MAPK10: variants seen among roughly 807,000 people sequenced by gnomAD.
MAPK10 encodes the protein mitogen-activated protein kinase 10.
A neutral mutation model predicts 59.3 loss-of-function variants in MAPK10; 25 were observed. The ratio of observed to expected loss-of-function variants is 0.42; its 90% CI spans 0.31 to 0.59. MAPK10 has a LOEUF of 0.59. Ranked by LOEUF, MAPK10 falls within the 20% of genes least tolerant of loss-of-function variation. The pLI, the probability that MAPK10 is intolerant of heterozygous loss-of-function variation, is 0.15. For synonymous variants in MAPK10, 190 were observed against 200.5 expected, an observed-to-expected ratio of 0.95 and a Z score of 0.44; for missense variants, 351 against 568.9, an observed-to-expected ratio of 0.62 and a Z score of 3.90.
At chr4:86,170,132 C>T (rs1311955157) in intron 3 of MAPK10, among the ~76,000 whole-genome samples, 1 of 151,936 alleles carries the variant, frequency 6.6e-6, no homozygotes, top group Non-Finnish European at 1.5e-5. Flanking sequence ...ACCATCGAGA[C>T]TAGGAAGAAA....
At chr4:86,486,025 T>G (rs1753963493) in intron 1 of MAPK10, among the ~76,000 whole-genome samples, 1 of 152,206 alleles carries the variant, frequency 6.6e-6, no homozygotes, top group African/African-American at 2.4e-5. Flanking sequence ...CCAGGCCAAC[T>G]AATATGGTAG....
chr4:86,304,391 T>C (rs977019863), intron 2 of MAPK10, among the ~76,000 whole-genome samples: 21 of 139,440 alleles, frequency 1.5e-4, no homozygotes, highest in East Asian at 6.1e-4. Flanking sequence ...GTATTTCTTT[T>C]TTTTTTTTTT....
chr4:86,207,578 C>A (rs374813136), intron 2 of MAPK10, among the ~76,000 whole-genome samples: 1 of 151,958 alleles, frequency 6.6e-6, no homozygotes, highest in Non-Finnish European at 1.5e-5. Context: ...TTCCAATTCT[C>A]TGAAGAAAGT....
At position 86,589,297 on chromosome 4, in the gene MAPK10, AAC is replaced by A. The variant is rs543900480; in HGVS notation, c.-263+4611_-263+4612del. On this transcript the variant is annotated intron_variant, in intron 1 of 4. Transcript: ENST00000502302. ...TGCTGTATTGGTGAAGATGTGGGGA[AAC>A]ACAGTATGCTATCAAACTTTCCGTC... Among the ~76,000 whole-genome samples the A allele has an allele frequency of 1.3e-3, 199 of 152,322 alleles. 1 individual carries two copies. The highest frequency in any genetic ancestry group is 4.6e-3 in the African/African-American group (192 of 41,572).
At chr4:86,116,315 G>C (rs2058285541) in intron 4 of MAPK10, among the ~76,000 whole-genome samples, 1 of 152,144 alleles carries the variant, frequency 6.6e-6, no homozygotes, top group African/African-American at 2.4e-5. Flanking sequence ...TCTGATCAGA[G>C]TCTCCTTGGG....
At position 86,026,179 on chromosome 4, in the gene MAPK10, T is replaced by A. The variant is rs150999522; in HGVS notation, c.1252+3018A>T. Among the ~76,000 whole-genome samples the A allele has an allele frequency of 1.7e-3, 260 of 152,322 alleles. 1 individual carries two copies. The highest frequency in any genetic ancestry group is 5.9e-3 in the African/African-American group (246 of 41,578). ...CTGTTGTTCAGCATCCTTATCTTAGTGAGTCACTGTTAGTTTTGGGAGCTT... is the reference window on the plus strand; with the variant it reads ...CTGTTGTTCAGCATCCTTATCTTAGAGAGTCACTGTTAGTTTTGGGAGCTT... On this transcript the variant is annotated intron_variant, in intron 13 of 13. Transcript: ENST00000641462.
intron 2 of MAPK10, among the ~76,000 whole-genome samples, chr4:86,341,737 A>G (rs771364287): frequency 6.6e-6 from 1 of 152,002 alleles, no homozygotes. Flanking sequence ...AAGACAAATA[A>G]TTAATTAACA....
intron 2 of MAPK10, among the ~76,000 whole-genome samples, chr4:86,295,522 C>T (rs569060280): frequency 6.6e-6 from 1 of 151,966 alleles, no homozygotes; most frequent in Non-Finnish European, 1.5e-5. Context: ...GTGTTCACTG[C>T]TATCTCATCA....
In MAPK10 at chr4:86,017,780, C is replaced by T. The variant is rs777860297; in HGVS notation, c.1253-410G>A. ...GCTCTGTCGCCAGGCTGGAGTGCAG[C>T]GGCACAATCTCGGCTCACTGCAACC... On this transcript the variant is annotated intron_variant, in intron 13 of 13. Transcript: ENST00000641462. This position sits in a 1 kb window ranked among gnomAD's most constrained non-coding sequence, Gnocchi z 4.4. 3.9e-5 allele frequency among the ~76,000 whole-genome samples: 6 copies of T among 152,022 alleles called. No homozygotes were observed. Among genetic ancestry groups the T allele is most frequent in the Admixed American group, 2.0e-4 (3 of 15,262 alleles).
intron 1 of MAPK10, among the ~76,000 whole-genome samples, chr4:86,549,711 G>A (rs1198605442): frequency 2.0e-5 from 3 of 152,166 alleles, no homozygotes; most frequent in Admixed American, 6.5e-5. Context: ...AGGCACGGTG[G>A]CTCATGCCTT....
At chr4:86,025,400 A>C (rs1560653355) in intron 13 of MAPK10, 1 of 396,524 alleles carries the variant, frequency 2.5e-6, no homozygotes, top group Non-Finnish European at 4.4e-6. Flanking sequence ...AATAAACAGG[A>C]GTTCTAAACC....
chr4:86,406,450 C>A (rs1421467002), intron 1 of MAPK10, among the ~76,000 whole-genome samples: 1 of 152,154 alleles, frequency 6.6e-6, no homozygotes, highest in Non-Finnish European at 1.5e-5. Context: ...TCCCACAAAG[C>A]TACTCAAATA....
intron 6 of MAPK10, 95 bp downstream of exon 6, chr4:86,103,075 CTGTGTGTGTGTGTGTG>C (rs10681488): frequency 4.8e-5 from 24 of 498,706 alleles, no homozygotes; most frequent in African/African-American, 3.0e-4. Context: ...GATTTCAACT[CTGTGTGTGTGTGTGTG>C]TGTGTGTGTG....
At chr4:86,159,258 T>G in intron 4 of MAPK10, 40 bp downstream of exon 4, 1 of 1,533,394 alleles carries the variant, frequency 6.5e-7, no homozygotes, top group Non-Finnish European at 8.8e-7. Context: ...TTGCACACGG[T>G]GTGTTCCCTT....
intron 2 of MAPK10, among the ~76,000 whole-genome samples, chr4:86,251,155 ATTTTATTTTAT>A (rs1270985658): frequency 1.3e-5 from 1 of 74,190 alleles, no homozygotes; most frequent in African/African-American, 1.8e-4. Context: ...TTTTTATTTT[ATTTTATTTTAT>A]TTTATTTTAT....
rs2095539396 is a variant in MAPK10 at position 86,304,880 on chromosome 4, T to C, written c.-7+49650A>G. Among the ~76,000 whole-genome samples, 3 of 152,160 alleles carry C rather than the reference T, an allele frequency of 2.0e-5. No individual in the cohort carries two copies. In the South Asian group the frequency reaches 6.2e-4, roughly 32 times the overall value. Reference sequence around the variant, plus strand: ...AAGTTACACACTTAACTCAGGAAAATCCAATGGCCCTAATTTTCACTCAAG... The same window carrying C: ...AAGTTACACACTTAACTCAGGAAAACCCAATGGCCCTAATTTTCACTCAAG... On this transcript the variant is annotated intron_variant, in intron 2 of 13. Transcript: ENST00000641462.
chr4:86,358,310 C>T (rs1364696872), intron 1 of MAPK10: 2 of 985,292 alleles, frequency 2.0e-6, no homozygotes, highest in Non-Finnish European at 1.2e-6. Flanking sequence ...CAGGGTCCGA[C>T]AACTAGCCGA....
chr4:86,388,092 G>A lies in MAPK10; in HGVS notation c.-121-33448C>T, dbSNP rs187815442. Among the ~76,000 whole-genome samples the A allele has an allele frequency of 1.3e-3, 197 of 151,634 alleles. 1 individual carries two copies. The highest frequency in any genetic ancestry group is 4.2e-3 in the African/African-American group (175 of 41,456). On this transcript the variant is annotated intron_variant, in intron 1 of 13. Coordinates refer to the MAPK10 transcript ENST00000361569. ...AATTTAAGAAGTTGATAACTGTACT[G>A]TAATCGGGTTAGAAAATCCACACTG...
intron 1 of MAPK10, among the ~76,000 whole-genome samples, chr4:86,487,697 C>T (rs985443274): frequency 6.8e-6 from 1 of 147,276 alleles, no homozygotes; most frequent in South Asian, 2.1e-4. Flanking sequence ...TGCCACTGCA[C>T]TCCAGCCTGG....
Sources: gnomAD v4.1 joint callset for allele counts (sites outside exome capture counted in the v4.1 genomes callset) on GRCh38, gnomAD v4.1.1 for gene constraint, Gnocchi (gnomAD v3.1) non-coding constraint, MANE v1.5 for transcripts, NCBI Gene and HGNC (gene_info 2026-07-23, HGNC 2026-07-21) for gene names.